Variants in SHISAL1 observed in about 807,000 individuals in gnomAD.
SHISAL1 encodes shisa like 1, also known as protein shisa-like-1.
A neutral mutation model predicts 22.6 loss-of-function variants in SHISAL1; 9 were observed. That is an observed-to-expected ratio of 0.40 (90% CI 0.24 to 0.70). The LOEUF is 0.70. Ranked by LOEUF, SHISAL1 falls within the 30% of genes least tolerant of loss-of-function variation. The pLI, the probability that SHISAL1 is intolerant of heterozygous loss-of-function variation, is 0.39. For synonymous variants in SHISAL1, 119 were observed against 115.4 expected (o/e 1.03, Z -0.20); for missense variants, 246 against 270.6 (o/e 0.91, Z 0.64).
chr22:44,277,527 T>G (rs766698050), intron 4 of SHISAL1, among the ~76,000 whole-genome samples: 1 of 152,190 alleles, frequency 6.6e-6, no homozygotes, highest in Non-Finnish European at 1.5e-5. Context: ...GCCAGCTTCC[T>G]GGAGGGTGAG....
At chr22:44,303,287 G>A (rs1180744911) in intron 1 of SHISAL1, among the ~76,000 whole-genome samples, 2 of 152,062 alleles carry the variant, frequency 1.3e-5, no homozygotes, top group Non-Finnish European at 2.9e-5. Flanking sequence ...ACATGTTGAA[G>A]TCCTAACTCC....
intron 4 of SHISAL1, among the ~76,000 whole-genome samples, chr22:44,264,014 A>G (rs924755818): frequency 2.0e-5 from 3 of 152,216 alleles, no homozygotes; most frequent in Non-Finnish European, 2.9e-5. Flanking sequence ...TTTACTGATG[A>G]CGGCCGGAAG....
chr22:44,265,587 C>T (rs1218934198), intron 4 of SHISAL1, among the ~76,000 whole-genome samples: 1 of 152,208 alleles, frequency 6.6e-6, no homozygotes, highest in Non-Finnish European at 1.5e-5. Flanking sequence ...CCCTGACTCA[C>T]ACCTTTCTGA....
At chr22:44,295,988 A>G (rs1372247481) in intron 3 of SHISAL1, among the ~76,000 whole-genome samples, 1 of 152,198 alleles carries the variant, frequency 6.6e-6, no homozygotes, top group Non-Finnish European at 1.5e-5. Flanking sequence ...CTCTGGGTCA[A>G]TGGTGTCAAT....
Position 44,246,000 on chromosome 22 carries a change from G to A in SHISAL1, c.*3685C>T, listed in dbSNP as rs779059596. On this transcript the variant is annotated 3_prime_UTR_variant, in exon 5 of 5. Transcript: ENST00000381176. ...CCTGTGTGTGTGCGCGCATGTGCAT[G>A]TATGTACTTGTGTGTTTTTTCAATT... 4 of 152,268 alleles carry A rather than the reference G, an allele frequency of 2.6e-5. No homozygotes were observed. The highest frequency in any genetic ancestry group is 5.9e-5 in the Non-Finnish European group (4 of 68,062). The allele number at this position is 152,268 out of a possible 1,614,324, so 9.4% of individuals were successfully genotyped here.
At chr22:44,293,283 G>A (rs1409412108) in intron 3 of SHISAL1, among the ~76,000 whole-genome samples, 1 of 152,202 alleles carries the variant, frequency 6.6e-6, no homozygotes, top group East Asian at 1.9e-4. Flanking sequence ...CAGCTATGGA[G>A]AGGGAAGGCG....
chr22:44,330,554 G>A, the SHISAL1 span, among the ~76,000 whole-genome samples: 1 of 152,170 alleles, frequency 6.6e-6, no homozygotes, highest in Non-Finnish European at 1.5e-5. Context: ...TAGCAAGAGT[G>A]GGGGAGACCC....
chr22:44,284,947 C>A lies in SHISAL1; in HGVS notation c.599+481G>T, dbSNP rs149654453. On this transcript the variant is annotated intron_variant, in intron 4 of 4. Transcript: ENST00000381176. The stretch of plus-strand genomic sequence containing the variant: ...CCTTCCTTCCTTCCTTCCTTCACAG[C>A]CTGCCTGAGTCAGAACTAGTACCCC... Among the ~76,000 whole-genome samples the A allele has an allele frequency of 4.8e-4, 72 of 150,496 alleles. No homozygotes were observed. In the East Asian group the frequency reaches 0.014, roughly 29 times the overall value.
intron 4 of SHISAL1, among the ~76,000 whole-genome samples, chr22:44,283,219 T>C (rs1601791683): frequency 6.6e-6 from 1 of 152,174 alleles, no homozygotes; most frequent in East Asian, 1.9e-4. Context: ...GACAACCTTT[T>C]TTCACGCTCA....
chr22:44,283,584 A>G (rs2055291151), intron 4 of SHISAL1, among the ~76,000 whole-genome samples: 1 of 152,238 alleles, frequency 6.6e-6, no homozygotes, highest in African/African-American at 2.4e-5. Flanking sequence ...AGGCCGGGGC[A>G]GGAAAACAGC....
intron 3 of SHISAL1, among the ~76,000 whole-genome samples, chr22:44,295,378 CAAAGT>C (rs993541866): frequency 1.3e-5 from 2 of 151,956 alleles, no homozygotes; most frequent in African/African-American, 4.8e-5. Context: ...AAACTTTCAT[CAAAGT>C]AAATTCCAGA....
chr22:44,263,079 C>CTTTT (rs922017518), intron 4 of SHISAL1, among the ~76,000 whole-genome samples: 15 of 88,246 alleles, frequency 1.7e-4, no homozygotes, highest in Non-Finnish European at 2.2e-4. Flanking sequence ...TTCTTTCTTT[C>CTTTT]TTTTTTTTTT....
At chr22:44,260,560 C>T (rs1193362573) in intron 4 of SHISAL1, among the ~76,000 whole-genome samples, 1 of 152,216 alleles carries the variant, frequency 6.6e-6, no homozygotes, top group Non-Finnish European at 1.5e-5. Context: ...AGGTGATGGT[C>T]GAAGCCTTTG....
intron 3 of SHISAL1, among the ~76,000 whole-genome samples, chr22:44,288,696 G>A (rs1039359983): frequency 6.6e-6 from 1 of 151,444 alleles, no homozygotes; most frequent in South Asian, 2.1e-4. Flanking sequence ...CATCTCTCTT[G>A]CCTGGAGGCC....
intron 4 of SHISAL1, among the ~76,000 whole-genome samples, chr22:44,259,920 A>T (rs985763676): frequency 6.6e-6 from 1 of 152,218 alleles, no homozygotes; most frequent in Non-Finnish European, 1.5e-5. Context: ...CACTGCAAGC[A>T]TATCTAACTA....
At chr22:44,303,803 C>G (rs889327315) in intron 1 of SHISAL1, among the ~76,000 whole-genome samples, 1 of 152,262 alleles carries the variant, frequency 6.6e-6, no homozygotes, top group Middle Eastern at 3.4e-3. Flanking sequence ...GCCTGGAGAG[C>G]CCCGAATCCC....
chr22:44,253,744 G>A (rs1020207166), intron 4 of SHISAL1, among the ~76,000 whole-genome samples: 4 of 151,752 alleles, frequency 2.6e-5, no homozygotes, highest in African/African-American at 9.7e-5. Context: ...GCCCGGCCTA[G>A]TGCATTTCAA....
the SHISAL1 span, among the ~76,000 whole-genome samples, chr22:44,331,196 G>C: frequency 6.6e-6 from 1 of 151,984 alleles, no homozygotes; most frequent in Non-Finnish European, 1.5e-5. The surrounding 1 kb of genome is among the most constrained non-coding windows in gnomAD (Gnocchi z 5.2). Flanking sequence ...GCGGACCCCA[G>C]TGCCGAACAC....
intron 4 of SHISAL1, among the ~76,000 whole-genome samples, chr22:44,265,430 C>G (rs2055155329): frequency 6.6e-6 from 1 of 152,150 alleles, no homozygotes; most frequent in East Asian, 1.9e-4. Flanking sequence ...ACACCTGAAC[C>G]CGCTACCAGC....
Sources: gnomAD v4.1 joint callset for allele counts (sites outside exome capture counted in the v4.1 genomes callset) on GRCh38, gnomAD v4.1.1 for gene constraint, Gnocchi (gnomAD v3.1) non-coding constraint, MANE v1.5 for transcripts, NCBI Gene and HGNC (gene_info 2026-07-23, HGNC 2026-07-21) for gene names.